Variants in ZMAT4 observed in about 807,000 individuals in gnomAD.
ZMAT4 encodes zinc finger matrin-type protein 4.
ZMAT4 carries 17 observed loss-of-function variants against 28.7 expected under a neutral mutation model. The observed-to-expected ratio is 0.59, with a 90% CI of 0.41 to 0.89. The LOEUF is 0.89. ZMAT4 is among the 40% of genes least tolerant of loss of function. The pLI is 0.00. For missense variants in ZMAT4, 240 were observed against 283.8 expected, an observed-to-expected ratio of 0.85 and a Z score of 1.11; for synonymous variants, 117 against 109.2, an observed-to-expected ratio of 1.07 and a Z score of -0.44.
At chr8:40,816,981 G>A (rs1000244434) in intron 2 of ZMAT4, among the ~76,000 whole-genome samples, 6 of 152,140 alleles carry the variant, frequency 3.9e-5, no homozygotes, top group South Asian at 2.1e-4. Flanking sequence ...CTTCTCAGTT[G>A]AGCATGTGAC....
At chr8:40,755,547 G>T (rs71510139) in intron 3 of ZMAT4, among the ~76,000 whole-genome samples, 15,351 of 152,116 alleles carry the variant, frequency 0.1, 914 homozygotes, top group Middle Eastern at 0.18. Context: ...CCGCCTCCCG[G>T]GTTCAAGCAA....
chr8:40,607,993 T>C (rs1805659366), intron 5 of ZMAT4, among the ~76,000 whole-genome samples: 1 of 151,810 alleles, frequency 6.6e-6, no homozygotes, highest in African/African-American at 2.4e-5. Flanking sequence ...AATGTGTTGG[T>C]CTTATGTTGG....
intron 5 of ZMAT4, among the ~76,000 whole-genome samples, chr8:40,593,141 A>T (rs1013408697): frequency 1.6e-4 from 24 of 152,196 alleles, no homozygotes; most frequent in Admixed American, 1.6e-3. Flanking sequence ...CCGGTGCCAT[A>T]GATCTCGTCG....
rs75216502 is a variant in ZMAT4 at position 40,851,315 on chromosome 8, C to T, written c.-4-25635G>A. ...TGCTCTCCAGCCTGAGTGATAAGAG[C>T]GAAATTACATCTCAATAAAAGGAAA... On this transcript the variant is annotated intron_variant, in intron 1 of 6. Coordinates refer to ENST00000297737, the MANE Select transcript of ZMAT4 (RefSeq NM_024645.3). 3.0e-3 allele frequency among the ~76,000 whole-genome samples: 453 copies of T among 151,704 alleles called. 2 individuals are homozygous for T. The highest frequency in any genetic ancestry group is 0.011 in the African/African-American group (438 of 41,344).
At chr8:40,737,509 T>C (rs1811820634) in intron 3 of ZMAT4, among the ~76,000 whole-genome samples, 1 of 152,176 alleles carries the variant, frequency 6.6e-6, no homozygotes, top group Admixed American at 6.5e-5. Context: ...TTGTTTTAAA[T>C]AATACTTGAA....
chr8:40,859,455 C>T lies in ZMAT4; in HGVS notation c.-4-33775G>A, dbSNP rs72641598. On this transcript the variant is annotated intron_variant, in intron 1 of 6. Coordinates refer to ENST00000297737, the MANE Select transcript of ZMAT4 (RefSeq NM_024645.3). ...CGGTGGCAGTAGAAGTGTCTAGCAA[C>T]GCACACACACACACACATGCACACA... Among the ~76,000 whole-genome samples, 23 of 144,192 alleles carry T rather than the reference C, an allele frequency of 1.6e-4. No homozygotes were observed. In the East Asian group the frequency reaches 2.0e-3, roughly 12 times the overall value. 94.6% of individuals were successfully genotyped at this position (144,192 alleles called of 152,430 possible).
intron 5 of ZMAT4, among the ~76,000 whole-genome samples, chr8:40,601,337 A>C (rs1805295592): frequency 6.7e-6 from 1 of 149,662 alleles, no homozygotes; most frequent in Non-Finnish European, 1.5e-5. Flanking sequence ...ATTTTGGTTT[A>C]AAAGGTCTTC....
At position 40,649,517 on chromosome 8, in the gene ZMAT4, G is replaced by T. The variant is rs947906787; in HGVS notation, c.577+25187C>A. Among the ~76,000 whole-genome samples, 18 of 152,158 alleles carry T rather than the reference G, an allele frequency of 1.2e-4. No homozygotes were observed. In the South Asian group the frequency reaches 1.9e-3, roughly 16 times the overall value. ...CACTGTCAACATTAGACAGATCAAC[G>T]AGACAGAAAGTCAACAAGGATACCG... On this transcript the variant is annotated intron_variant, in intron 5 of 6. Transcript: ENST00000297737.
intron 1 of ZMAT4, among the ~76,000 whole-genome samples, chr8:40,828,463 G>A (rs1563512321): frequency 2.6e-5 from 4 of 152,114 alleles, no homozygotes; most frequent in Middle Eastern, 3.4e-3. Flanking sequence ...TTCAAGGTAC[G>A]TGTCGGACCA....
chr8:40,614,238 C>T (rs1349078014), intron 5 of ZMAT4, among the ~76,000 whole-genome samples: 1 of 152,096 alleles, frequency 6.6e-6, no homozygotes, highest in African/African-American at 2.4e-5. Flanking sequence ...AAGCCCAGGA[C>T]TAAGAACAAT....
At chr8:40,826,189 T>C (rs1394552044) in intron 1 of ZMAT4, among the ~76,000 whole-genome samples, 1 of 152,194 alleles carries the variant, frequency 6.6e-6, no homozygotes, top group Admixed American at 6.5e-5. Flanking sequence ...ACCTAATATA[T>C]CCAACAATAG....
At chr8:40,639,558 T>A (rs1316530975) in intron 5 of ZMAT4, among the ~76,000 whole-genome samples, 1 of 151,950 alleles carries the variant, frequency 6.6e-6, no homozygotes, top group Non-Finnish European at 1.5e-5. Flanking sequence ...AAAGTTGGAT[T>A]TTTCCAAAAT....
intron 1 of ZMAT4, among the ~76,000 whole-genome samples, chr8:40,847,807 C>A (rs538273777): frequency 2.0e-5 from 3 of 152,312 alleles, no homozygotes; most frequent in South Asian, 4.1e-4. Flanking sequence ...TGAAGTCCGT[C>A]CACCAGTGCA....
At position 40,684,948 on chromosome 8, in the gene ZMAT4, T is replaced by A. The variant is rs533814881; in HGVS notation, c.350-10017A>T. 2.0e-5 allele frequency among the ~76,000 whole-genome samples: 3 copies of A among 152,294 alleles called. No individual in the cohort carries two copies. The East Asian group carries it at 5.8e-4, about 29-fold the overall frequency. ...TCTCTATTGAACCTCCATTTTGAGT[T>A]GCCTTAAGCATATATCCCTAAAAAT... On this transcript the variant is annotated intron_variant, in intron 4 of 6. Coordinates refer to ENST00000297737, the MANE Select transcript of ZMAT4 (RefSeq NM_024645.3).
chr8:40,675,001 C>A, intron 4 of ZMAT4, 70 bp from the exon 5 acceptor site: 1 of 1,241,338 alleles, frequency 8.1e-7, no homozygotes. Context: ...TCCTCAATAC[C>A]CGAAGACCAA....
At chr8:40,714,788 C>T (rs1259599354) in intron 3 of ZMAT4, among the ~76,000 whole-genome samples, 5 of 152,116 alleles carry the variant, frequency 3.3e-5, no homozygotes, top group South Asian at 2.1e-4. Context: ...CAGTGGCTCA[C>T]GCCTGTAATC....
At chr8:40,881,746 AT>A (rs1314826296) in intron 1 of ZMAT4, among the ~76,000 whole-genome samples, 1 of 152,184 alleles carries the variant, frequency 6.6e-6, no homozygotes, top group Non-Finnish European at 1.5e-5. Context: ...CAGAACACCC[AT>A]TCTTTTCCTT....
intron 3 of ZMAT4, among the ~76,000 whole-genome samples, chr8:40,746,012 T>C (rs1199862952): frequency 1.3e-5 from 2 of 152,210 alleles, no homozygotes; most frequent in Non-Finnish European, 2.9e-5. Context: ...CCAGATCTCC[T>C]TGGTGGTCTC....
chr8:40,800,109 C>T (rs916043011), intron 2 of ZMAT4, among the ~76,000 whole-genome samples: 7 of 152,162 alleles, frequency 4.6e-5, no homozygotes, highest in African/African-American at 1.2e-4. Context: ...TTTGAGTCAA[C>T]GATGGACCAC....
Sources: allele counts gnomAD v4.1 joint callset (sites outside exome capture counted in the v4.1 genomes callset), GRCh38; gene constraint gnomAD v4.1.1; transcripts MANE v1.5; gene names NCBI Gene and HGNC (gene_info 2026-07-23, HGNC 2026-07-21).